The following CACNA2D2 variants were observed in gnomAD, a reference collection of about 807,000 sequenced individuals.
CACNA2D2 encodes the protein voltage-dependent calcium channel subunit alpha-2/delta-2.
A neutral mutation model predicts 166.4 loss-of-function variants in CACNA2D2; 48 were observed. The observed-to-expected ratio is 0.29, with a 90% CI of 0.23 to 0.37. The LOEUF is 0.37. Among genes scored for constraint, CACNA2D2 ranks in the 10% least tolerant of loss-of-function variants. CACNA2D2 has a pLI of 1.00. For missense variants in CACNA2D2, 1,122 were observed against 1,433.0 expected (o/e 0.78, Z 3.50); for synonymous variants, 561 against 573.7 (o/e 0.98, Z 0.32).
intron 2 of CACNA2D2, among the ~76,000 whole-genome samples, chr3:50,460,852 T>C (rs1037865670): frequency 4.1e-5 from 6 of 146,882 alleles, no homozygotes; most frequent in African/African-American, 1.0e-4. Context: ...AGACTCCGTC[T>C]CAAAAAAAAA....
chr3:50,402,651 C>T (rs1041397533), intron 3 of CACNA2D2, among the ~76,000 whole-genome samples: 1 of 152,198 alleles, frequency 6.6e-6, no homozygotes, highest in Non-Finnish European at 1.5e-5. Flanking sequence ...CCTGCTCAGC[C>T]CCATCCCACA....
chr3:50,481,128 C>T (rs1698037576), intron 1 of CACNA2D2, among the ~76,000 whole-genome samples: 1 of 151,920 alleles, frequency 6.6e-6, no homozygotes, highest in South Asian at 2.1e-4. Context: ...AATCAAAAAA[C>T]CAGAGACAGG....
rs1178450046 is a variant in CACNA2D2, at chr3:50,379,662, T to C, written c.993+63A>G. 1 of 1,611,672 alleles carries C rather than the reference T, an allele frequency of 6.2e-7. No homozygotes were observed. Among genetic ancestry groups the C allele is most frequent in the South Asian group, 1.1e-5 (1 of 91,034 alleles). ...GGCAGCTATTGCATGGGGCTGGTGA[T>C]GGTCACAGGAGCAGGGCAGATGGGG... On this transcript the variant is annotated intron_variant, in intron 10 of 37. Transcript: ENST00000424201. This position sits in a 1 kb window ranked among gnomAD's most constrained non-coding sequence, Gnocchi z 6.5.
At chr3:50,452,700 T>G (rs140946818) in intron 2 of CACNA2D2, among the ~76,000 whole-genome samples, 2 of 152,204 alleles carry the variant, frequency 1.3e-5, no homozygotes, top group African/African-American at 4.8e-5. Context: ...AGAAGCCCCC[T>G]TGGCAGGATA....
Position 50,375,654 on chromosome 3 carries a change from T to C in CACNA2D2, c.1897A>G (p.Thr633Ala), listed in dbSNP as rs757597651. Reference sequence around the variant, plus strand: ...CCTGGCCTCACTTACCTGTAGTTAGTGCTCCTTATAGGCACCCAGGTGTAG... The same window carrying C: ...CCTGGCCTCACTTACCTGTAGTTAGCGCTCCTTATAGGCACCCAGGTGTAG... ...RNYTWVPIRSTNYSLGLVLPP... is the reference protein window; with the variant it reads ...RNYTWVPIRSANYSLGLVLPP... The change falls in exon 21 of 38, where the codon ACT (threonine) becomes GCT (alanine). Residue 633 changes from threonine to alanine, a missense_variant. Around this residue, in one of 2 missense-constraint regions of CACNA2D2, gnomAD observed 840 missense variants for 1,166.8 expected, o/e 0.72. Transcript: ENST00000424201. This position sits in a 1 kb window ranked among gnomAD's most constrained non-coding sequence, Gnocchi z 4.0. 4 of 1,613,208 alleles carry C rather than the reference T, an allele frequency of 2.5e-6. No homozygotes were observed. The highest frequency in any genetic ancestry group is 3.4e-6 in the Non-Finnish European group (4 of 1,179,900).
intron 5 of CACNA2D2, among the ~76,000 whole-genome samples, chr3:50,386,083 A>G (rs1705590770): frequency 6.6e-6 from 1 of 152,162 alleles, no homozygotes; most frequent in Non-Finnish European, 1.5e-5. Context: ...GGGGAGTTGG[A>G]AAATGTGTGC....
chr3:50,379,337 G>T lies in CACNA2D2; in HGVS notation c.1152+95C>A. On this transcript the variant is annotated intron_variant, in intron 11 of 37. Transcript: ENST00000424201. This position sits in a 1 kb window ranked among gnomAD's most constrained non-coding sequence, Gnocchi z 6.5. The stretch of plus-strand genomic sequence containing the variant: ...AGCTATCTGTCCAAGCTGCCTGTTT[G>T]GTGCTAACGAGGCCATCCGTCTTGA... The T allele has an allele frequency of 6.7e-7, 1 of 1,498,498 alleles. No homozygotes were observed. Among genetic ancestry groups the T allele is most frequent in the Non-Finnish European group, 9.2e-7 (1 of 1,090,072 alleles). The allele number at this position is 1,498,498 out of a possible 1,614,324, so 92.8% of individuals were successfully genotyped here.
At chr3:50,451,175 G>A (rs551217684) in intron 2 of CACNA2D2, among the ~76,000 whole-genome samples, 1 of 152,050 alleles carries the variant, frequency 6.6e-6, no homozygotes, top group South Asian at 2.1e-4. Context: ...GCCCAGGCTG[G>A]AGTGCAATGG....
chr3:50,377,914 AC>A, intron 15 of CACNA2D2, 93 bp downstream of exon 15: 1 of 1,497,166 alleles, frequency 6.7e-7, no homozygotes, highest in Non-Finnish European at 9.2e-7. Context: ...TGCTTGGTTT[AC>A]CCCATAAGGG....
chr3:50,390,217 A>T (rs903060876), intron 4 of CACNA2D2, among the ~76,000 whole-genome samples: 23 of 152,262 alleles, frequency 1.5e-4, no homozygotes, highest in African/African-American at 5.1e-4. Context: ...GTGAGTGAAG[A>T]CTGAGGCTGA....
At chr3:50,385,757 G>A (rs966524240) in intron 5 of CACNA2D2, among the ~76,000 whole-genome samples, 14 of 152,232 alleles carry the variant, frequency 9.2e-5, no homozygotes, top group African/African-American at 2.9e-4. Context: ...TCGGAGCATG[G>A]AGGCCAGAGT....
At chr3:50,444,733 G>A (rs1191338735) in intron 2 of CACNA2D2, among the ~76,000 whole-genome samples, 2 of 152,244 alleles carry the variant, frequency 1.3e-5, no homozygotes, top group Non-Finnish European at 2.9e-5. Context: ...GGCTGCTCTT[G>A]TGAAAACATG....
chr3:50,443,549 C>T (rs1443240048), intron 2 of CACNA2D2, among the ~76,000 whole-genome samples: 1 of 152,254 alleles, frequency 6.6e-6, no homozygotes, highest in Non-Finnish European at 1.5e-5. Flanking sequence ...CCGCTCAGTT[C>T]TCTGGCCCGC....
At chr3:50,462,950 T>A (rs1709660011) in intron 2 of CACNA2D2, among the ~76,000 whole-genome samples, 1 of 150,774 alleles carries the variant, frequency 6.6e-6, no homozygotes. Context: ...GAGAGAAGAA[T>A]GTAGGCAGAG....
intron 2 of CACNA2D2, among the ~76,000 whole-genome samples, chr3:50,456,901 C>A (rs1451852432): frequency 6.6e-6 from 1 of 152,180 alleles, no homozygotes; most frequent in Non-Finnish European, 1.5e-5. Flanking sequence ...GTGGCTCCCC[C>A]AAGGACAGTA....
At chr3:50,448,980 C>T (rs1708986941) in intron 2 of CACNA2D2, among the ~76,000 whole-genome samples, 1 of 152,204 alleles carries the variant, frequency 6.6e-6, no homozygotes, top group African/African-American at 2.4e-5. Context: ...CTGCCCACCC[C>T]CATCCCACAG....
At chr3:50,460,739 A>C (rs1032715177) in intron 2 of CACNA2D2, among the ~76,000 whole-genome samples, 1 of 152,072 alleles carries the variant, frequency 6.6e-6, no homozygotes, top group African/African-American at 2.4e-5. Context: ...CTGTAGTCCC[A>C]GCTACTCGGG....
Position 50,367,718 on chromosome 3 carries a change from G to T in CACNA2D2, c.2235-14C>A, listed in dbSNP as rs1390548886. On this transcript the variant is annotated splice_polypyrimidine_tract_variant and intron_variant, in intron 25 of 37. Coordinates refer to ENST00000424201, the MANE Select transcript of CACNA2D2 (RefSeq NM_006030.4). This position sits in a 1 kb window ranked among gnomAD's most constrained non-coding sequence, Gnocchi z 6.5. Reference sequence around the variant, plus strand: ...AGTAGGCTGTACCTGGGGGTAGCAGGGGGGTGGGGTCACAGGCCTGCCTTC... The same window carrying T: ...AGTAGGCTGTACCTGGGGGTAGCAGTGGGGTGGGGTCACAGGCCTGCCTTC... The T allele has an allele frequency of 1.2e-6, 2 of 1,612,414 alleles. No homozygotes were observed. Among genetic ancestry groups the T allele is most frequent in the Non-Finnish European group, 1.7e-6 (2 of 1,179,004 alleles).
intron 2 of CACNA2D2, among the ~76,000 whole-genome samples, chr3:50,470,599 C>G (rs530627609): frequency 2.8e-3 from 243 of 87,514 alleles, no homozygotes; most frequent in Middle Eastern, 6.2e-3. Context: ...GGGGAGGGGG[C>G]GGGGGGGGGG....
Sources: gnomAD v4.1 joint callset for allele counts (sites outside exome capture counted in the v4.1 genomes callset) on GRCh38, gnomAD v4.1.1 for gene constraint, gnomAD v4.1.1 regional missense constraint, Gnocchi (gnomAD v3.1) non-coding constraint, MANE v1.5 for transcripts, NCBI Gene and HGNC (gene_info 2026-07-23, HGNC 2026-07-21) for gene names.